The following KCNMA1 variants were observed in gnomAD, a reference collection of about 807,000 sequenced individuals.
The protein encoded by KCNMA1 is potassium calcium-activated channel subfamily M alpha 1.
KCNMA1 carries 29 observed loss-of-function variants against 140.0 expected under a neutral mutation model. The ratio of observed to expected loss-of-function variants is 0.21; its 90% confidence interval spans 0.15 to 0.28. The LOEUF (loss-of-function observed/expected upper bound fraction) is 0.28. KCNMA1 is among the 10% of genes least tolerant of loss of function. KCNMA1 has a pLI of 1.00. For missense variants in KCNMA1, 880 were observed against 1,602.2 expected (o/e 0.55, Z 7.70); for synonymous variants, 612 against 611.9 (o/e 1.00, Z 0.00).
At chr10:77,209,915 A>G (rs1427507044) in intron 3 of KCNMA1, among the ~76,000 whole-genome samples, 2 of 149,018 alleles carry the variant, frequency 1.3e-5, no homozygotes, top group African/African-American at 2.5e-5. Flanking sequence ...TAATTTAAAA[A>G]AAACCTACCA....
chr10:77,631,107 A>C (rs1056677165), intron 1 of KCNMA1, among the ~76,000 whole-genome samples: 23 of 109,356 alleles, frequency 2.1e-4, no homozygotes, highest in Non-Finnish European at 3.6e-4. Context: ...ACCCTGTCCC[A>C]AAAAAAAAAA....
At chr10:77,076,798 G>C (rs991352932) in intron 13 of KCNMA1, among the ~76,000 whole-genome samples, 1 of 152,214 alleles carries the variant, frequency 6.6e-6, no homozygotes, top group African/African-American at 2.4e-5. Flanking sequence ...TTTACATGGA[G>C]AGAAAGTAGG....
chr10:77,216,800 TCTGTGCA>T (rs1037314853), intron 3 of KCNMA1, among the ~76,000 whole-genome samples: 6 of 152,194 alleles, frequency 3.9e-5, no homozygotes, highest in African/African-American at 1.4e-4. Flanking sequence ...TGGTTTTGAC[TCTGTGCA>T]CATCATTCAT....
At chr10:77,249,775 G>A (rs567247241) in intron 3 of KCNMA1, 44 of 152,274 alleles carry the variant, frequency 2.9e-4, no homozygotes, top group African/African-American at 8.9e-4. Flanking sequence ...ATATTTAAAA[G>A]GGGGCTTACC....
chr10:77,515,841 T>C (rs1319536972), intron 1 of KCNMA1, among the ~76,000 whole-genome samples: 3 of 152,150 alleles, frequency 2.0e-5, no homozygotes, highest in Admixed American at 6.5e-5. Flanking sequence ...CTGGGAGGCT[T>C]CCCGGCACCT....
intron 5 of KCNMA1, among the ~76,000 whole-genome samples, chr10:77,159,788 C>T (rs2098534969): frequency 6.6e-6 from 1 of 152,176 alleles, no homozygotes; most frequent in Non-Finnish European, 1.5e-5. Context: ...GTTCCCCCAG[C>T]ACTCTCCTGC....
rs906492185 is a variant in KCNMA1 at position 77,335,463 on chromosome 10, C to T, written c.540+68399G>A. On this transcript the variant is annotated intron_variant, in intron 2 of 27. Transcript: ENST00000286628. Reference sequence around the variant, plus strand: ...TCAACCCTAGCATCCATCAGACTCACCTAGAGAAAATTTTAAAAGTAAAGA... The same window carrying T: ...TCAACCCTAGCATCCATCAGACTCATCTAGAGAAAATTTTAAAAGTAAAGA... Among the ~76,000 whole-genome samples the T allele has an allele frequency of 4.7e-4, 71 of 152,298 alleles. 1 individual carries two copies. Among genetic ancestry groups the T allele is most frequent in the Admixed American group, 5.9e-4 (9 of 15,296 alleles).
At chr10:77,468,780 C>A (rs1169261218) in intron 1 of KCNMA1, among the ~76,000 whole-genome samples, 1 of 152,132 alleles carries the variant, frequency 6.6e-6, no homozygotes, top group Non-Finnish European at 1.5e-5. Context: ...CTTTCCTCAT[C>A]AAGAAAATAG....
At chr10:77,352,653 T>G (rs1267416095) in intron 2 of KCNMA1, among the ~76,000 whole-genome samples, 1 of 151,988 alleles carries the variant, frequency 6.6e-6, no homozygotes, top group Middle Eastern at 3.2e-3. Flanking sequence ...TGTGTGTTTG[T>G]GTGTGTGTGT....
chr10:77,464,683 C>T (rs538064211), intron 1 of KCNMA1, among the ~76,000 whole-genome samples: 14 of 152,062 alleles, frequency 9.2e-5, no homozygotes, highest in Admixed American at 3.3e-4. Context: ...AGGGCCAGGA[C>T]GGGAAGCCAG....
intron 1 of KCNMA1, among the ~76,000 whole-genome samples, chr10:77,504,987 A>C (rs2045303397): frequency 6.6e-6 from 1 of 151,916 alleles, no homozygotes; most frequent in South Asian, 2.1e-4. Flanking sequence ...AATCCAGGAG[A>C]CTCGGGTCTC....
chr10:77,421,050 G>A (rs1389054603), intron 1 of KCNMA1, among the ~76,000 whole-genome samples: 5 of 152,208 alleles, frequency 3.3e-5, no homozygotes, highest in South Asian at 2.1e-4. Context: ...CATGGCCGTC[G>A]AAGATGCTCT....
At chr10:77,052,978 G>GC (rs2095424750) in intron 14 of KCNMA1, among the ~76,000 whole-genome samples, 1 of 152,088 alleles carries the variant, frequency 6.6e-6, no homozygotes, top group Admixed American at 6.6e-5. Context: ...CAAACTTTCT[G>GC]CCTCCTGAGA....
chr10:77,060,825 T>C (rs956203326), intron 14 of KCNMA1, among the ~76,000 whole-genome samples: 11 of 152,102 alleles, frequency 7.2e-5, no homozygotes, highest in African/African-American at 2.7e-4. Context: ...GATGTGACAA[T>C]GGAAGCACAA....
At chr10:77,035,192 G>T (rs935519519) in intron 15 of KCNMA1, among the ~76,000 whole-genome samples, 5 of 152,216 alleles carry the variant, frequency 3.3e-5, no homozygotes, top group Admixed American at 1.3e-4. Flanking sequence ...TGTTGAGAGA[G>T]CTCCCTATGG....
intron 1 of KCNMA1, among the ~76,000 whole-genome samples, chr10:77,483,000 A>T (rs1163760918): frequency 4.1e-5 from 1 of 24,634 alleles, no homozygotes; most frequent in Non-Finnish European, 7.4e-5. Context: ...ATACACACAC[A>T]CACACACACA....
intron 2 of KCNMA1, among the ~76,000 whole-genome samples, chr10:77,319,263 C>T (rs1337747435): frequency 6.6e-6 from 1 of 152,134 alleles, no homozygotes; most frequent in Admixed American, 6.6e-5. Flanking sequence ...CTCATCCCAC[C>T]CCATCACCAC....
chr10:77,396,105 C>T (rs1377788244), intron 2 of KCNMA1, among the ~76,000 whole-genome samples: 5 of 152,154 alleles, frequency 3.3e-5, no homozygotes, highest in Non-Finnish European at 7.4e-5. Context: ...AGAAGCCTCC[C>T]TTAGGAGTGT....
intron 2 of KCNMA1, among the ~76,000 whole-genome samples, chr10:77,308,316 A>G (rs12220179): frequency 0.14 from 21,568 of 152,156 alleles, 2,242 homozygotes; most frequent in African/African-American, 0.29. Context: ...AGACCTTGTC[A>G]CTGAAGTTCA....
Sources: gnomAD v4.1 joint callset for allele counts (sites outside exome capture counted in the v4.1 genomes callset) on GRCh38, gnomAD v4.1.1 for gene constraint, MANE v1.5 for transcripts, NCBI Gene and HGNC (gene_info 2026-07-23, HGNC 2026-07-21) for gene names.